Variants in SSPN observed in about 807,000 individuals in gnomAD.
The protein encoded by SSPN is K-ras oncogene-associated protein.
Under a neutral mutation model 19.1 loss-of-function variants are expected in SSPN, and 15 were observed. The ratio of observed to expected loss-of-function variants is 0.78; its 90% CI spans 0.52 to 1.21. The LOEUF (loss-of-function observed/expected upper bound fraction) is 1.21, where lower values mean the gene tolerates loss of function less well. Ranked by LOEUF, SSPN falls within the 50% of genes most tolerant of loss-of-function variation. The probability of loss-of-function intolerance (pLI) is 0.00; values close to 1 mark genes in which losing one functional copy is unlikely to be tolerated. For missense variants in SSPN, 291 were observed against 314.0 expected, an observed-to-expected ratio of 0.93 and a Z score of 0.55; for synonymous variants, 147 against 140.3, an observed-to-expected ratio of 1.05 and a Z score of -0.34.
At chr12:26,203,352 T>A (rs922968070) in intron 1 of SSPN, among the ~76,000 whole-genome samples, 1 of 152,234 alleles carries the variant, frequency 6.6e-6, no homozygotes, top group Non-Finnish European at 1.5e-5. Context: ...TGGGACCTCA[T>A]GATGTCATAG....
At chr12:26,137,805 C>T (rs533718137) in intron 1 of SSPN, among the ~76,000 whole-genome samples, 2 of 150,724 alleles carry the variant, frequency 1.3e-5, no homozygotes, top group African/African-American at 4.9e-5. Flanking sequence ...GCTGGGATTA[C>T]AGGGGCCCCA....
At chr12:26,141,233 C>A (rs929728293) in intron 1 of SSPN, among the ~76,000 whole-genome samples, 2 of 152,184 alleles carry the variant, frequency 1.3e-5, no homozygotes, top group African/African-American at 4.8e-5. Flanking sequence ...GGAGAGGTAA[C>A]AATGGAACAG....
chr12:26,143,731 C>T (rs1364019507), intron 1 of SSPN, among the ~76,000 whole-genome samples: 2 of 152,136 alleles, frequency 1.3e-5, no homozygotes, highest in Non-Finnish European at 1.5e-5. Context: ...TTGTGATGTA[C>T]CTTAAAACAG....
In SSPN at chr12:26,232,463, C is replaced by G; in HGVS notation, c.*1387C>G. 3 of 985,358 alleles carry G rather than the reference C, an allele frequency of 3.0e-6. No homozygotes were observed. Among genetic ancestry groups the G allele is most frequent in the South Asian group, 9.4e-5 (2 of 21,282 alleles). The allele number at this position is 985,358 out of a possible 1,614,324, so 61.0% of individuals were successfully genotyped here. A position where few individuals can be genotyped will look rare whatever the true frequency, so the allele number is the denominator to read the frequency against. On this transcript the variant is annotated 3_prime_UTR_variant, in exon 3 of 3. Coordinates refer to ENST00000242729, the MANE Select transcript of SSPN (RefSeq NM_005086.5). Reference sequence around the variant, plus strand: ...CATGAAACATAAATGGTATCAAGAACTTTATCAGTATGCTTTGTTGAAAGC... The same window carrying G: ...CATGAAACATAAATGGTATCAAGAAGTTTATCAGTATGCTTTGTTGAAAGC...
intron 1 of SSPN, among the ~76,000 whole-genome samples, chr12:26,131,285 T>C (rs1209884563): frequency 6.6e-6 from 1 of 152,262 alleles, no homozygotes; most frequent in Non-Finnish European, 1.5e-5. Context: ...CTAATAATTG[T>C]AGAAATCTCC....
At chr12:26,182,297 G>T (rs1944723373) in intron 1 of SSPN, among the ~76,000 whole-genome samples, 1 of 152,182 alleles carries the variant, frequency 6.6e-6, no homozygotes. Flanking sequence ...GAGGGATGGA[G>T]TGATTACCTC....
At chr12:26,122,510 C>A in intron 1 of SSPN, 1 of 1,300,666 alleles carries the variant, frequency 7.7e-7, no homozygotes, top group Admixed American at 2.9e-5. Context: ...GCGGGAAGGG[C>A]GCGCCTCCGC....
At position 26,195,641 on chromosome 12, in the gene SSPN, G is replaced by GCTGGGCCCCCCCCCCCC; in HGVS notation, c.-31_-30insTGGGCCCCCCCCCCCCC. Reference sequence around the variant, plus strand: ...CTCCAGGGCCCAGGGCGCCGCACACGCACCCACCCACCCACCCAGCCTCGC... The same window carrying GCTGGGCCCCCCCCCCCC: ...CTCCAGGGCCCAGGGCGCCGCACACGCTGGGCCCCCCCCCCCCCACCCACCCACCCACCCAGCCTCGC... On this transcript the variant is annotated 5_prime_UTR_variant, in exon 1 of 3. Transcript: ENST00000242729. The GCTGGGCCCCCCCCCCCC allele has an allele frequency of 9.0e-7, 1 of 1,105,402 alleles. No individual in the cohort carries two copies. Among genetic ancestry groups the GCTGGGCCCCCCCCCCCC allele is most frequent in the Non-Finnish European group, 1.1e-6 (1 of 878,120 alleles). The allele number at this position is 1,105,402 out of a possible 1,614,324, so 68.5% of individuals were successfully genotyped here.
At chr12:26,128,127 C>A (rs1214362084) in intron 1 of SSPN, among the ~76,000 whole-genome samples, 1 of 152,168 alleles carries the variant, frequency 6.6e-6, no homozygotes, top group Non-Finnish European at 1.5e-5. Context: ...GGACCCTGGA[C>A]GACTCTTACA....
chr12:26,221,894 T>A (rs1043840927), intron 1 of SSPN, among the ~76,000 whole-genome samples: 12 of 152,224 alleles, frequency 7.9e-5, no homozygotes, highest in African/African-American at 2.4e-4. Context: ...TCTTTGATTG[T>A]TTCAAGTTTT....
intron 1 of SSPN, among the ~76,000 whole-genome samples, chr12:26,128,096 A>G (rs1403604077): frequency 3.3e-5 from 5 of 152,244 alleles, no homozygotes; most frequent in African/African-American, 1.2e-4. Context: ...ATTTAAGCCC[A>G]GACAGTGGGT....
In SSPN at chr12:26,231,864, C is replaced by A; in HGVS notation, c.*788C>A. 2 of 845,566 alleles carry A rather than the reference C, an allele frequency of 2.4e-6. No individual in the cohort carries two copies. The highest frequency in any genetic ancestry group is 2.8e-6 in the Non-Finnish European group (2 of 702,414). The allele number at this position is 845,566 out of a possible 1,614,324, so 52.4% of individuals were successfully genotyped here. A position where few individuals can be genotyped will look rare whatever the true frequency, so the allele number is the denominator to read the frequency against. On this transcript the variant is annotated 3_prime_UTR_variant, in exon 3 of 3. Transcript: ENST00000242729. ...ACAAATCATTAAAACTAATTTCTAG[C>A]TAATTGTTAATTATAATTATGCTCA...
At chr12:26,149,228 A>G (rs12809441) in intron 1 of SSPN, among the ~76,000 whole-genome samples, 79,838 of 152,072 alleles carry the variant, frequency 0.53, 24,475 homozygotes, top group Non-Finnish European at 0.67. Flanking sequence ...ATAAAAGTCT[A>G]CTTGTCTATA....
intron 1 of SSPN, among the ~76,000 whole-genome samples, chr12:26,170,613 T>A (rs1304735002): frequency 6.6e-6 from 1 of 152,232 alleles, no homozygotes; most frequent in African/African-American, 2.4e-5. Flanking sequence ...TGTTCTTTAA[T>A]CATCTATTGT....
intron 1 of SSPN, among the ~76,000 whole-genome samples, chr12:26,160,935 C>T (rs1264626739): frequency 6.6e-6 from 1 of 151,818 alleles, no homozygotes; most frequent in East Asian, 1.9e-4. Context: ...TGGTGAAACC[C>T]TGTCTCTACT....
rs374423870 is a variant in SSPN, at chr12:26,230,774, G to T, written c.430G>T (p.Ala144Ser). ...CTGTGTGCTGGCCGTGGCCTTTGCC[G>T]CCCACCACTATTCGCAGCTCACACA... ...TVCVLAVAFA[A>S]HHYSQLTQFT... The change falls in exon 3 of 3, where the codon GCC (alanine) becomes TCC (serine). Residue 144 changes from alanine (A) to serine (S), a missense_variant. Coordinates refer to ENST00000242729, the MANE Select transcript of SSPN (RefSeq NM_005086.5). 10 of 1,614,154 alleles carry T rather than the reference G, an allele frequency of 6.2e-6. No individual in the cohort carries two copies. In the Middle Eastern group the frequency reaches 6.6e-4, roughly 107 times the overall value.
intron 1 of SSPN, among the ~76,000 whole-genome samples, chr12:26,126,895 A>G (rs1944369700): frequency 6.6e-6 from 1 of 152,220 alleles, no homozygotes; most frequent in South Asian, 2.1e-4. Context: ...GTATTTTTAA[A>G]ATGCTGACTT....
chr12:26,201,041 ATATATT>A (rs1211102325), intron 1 of SSPN, among the ~76,000 whole-genome samples: 16 of 56,290 alleles, frequency 2.8e-4, no homozygotes, highest in Non-Finnish European at 4.5e-4. Flanking sequence ...ATATATATAT[ATATATT>A]ATATATATAT....
chr12:26,197,054 GA>G (rs1398882396), intron 1 of SSPN, among the ~76,000 whole-genome samples: 3 of 152,220 alleles, frequency 2.0e-5, no homozygotes, highest in African/African-American at 7.2e-5. Context: ...TAGGCTAAGA[GA>G]AGTTAGATGA....
Sources: gnomAD v4.1 joint callset for allele counts (sites outside exome capture counted in the v4.1 genomes callset) on GRCh38, gnomAD v4.1.1 for gene constraint, MANE v1.5 for transcripts, NCBI Gene and HGNC (gene_info 2026-07-23, HGNC 2026-07-21) for gene names.